SCN11A: variants seen among roughly 807,000 people sequenced by gnomAD.
SCN11A encodes the protein sodium channel protein type 11 subunit alpha.
A neutral mutation model predicts 162.2 loss-of-function variants in SCN11A; 122 were observed. That is an observed-to-expected ratio of 0.75 (90% CI 0.65 to 0.87). SCN11A has a LOEUF of 0.87. Ranked by LOEUF, SCN11A falls within the 40% of genes least tolerant of loss-of-function variation. The probability of loss-of-function intolerance (pLI) is 0.00; values close to 1 mark genes in which losing one functional copy is unlikely to be tolerated. For missense variants in SCN11A, 2,015 were observed against 2,181.6 expected (o/e 0.92, Z 1.52); for synonymous variants, 758 against 751.5 (o/e 1.01, Z -0.14).
At chr3:38,902,734 G>T (rs2065722718) in intron 16 of SCN11A, among the ~76,000 whole-genome samples, 1 of 152,012 alleles carries the variant, frequency 6.6e-6, no homozygotes, top group South Asian at 2.1e-4. Flanking sequence ...AGCCAGGATG[G>T]TCTTGATCTC....
At chr3:38,888,981 C>T (rs893961814) in intron 19 of SCN11A, among the ~76,000 whole-genome samples, 1 of 151,808 alleles carries the variant, frequency 6.6e-6, no homozygotes, top group Non-Finnish European at 1.5e-5. Flanking sequence ...ACCACTTATT[C>T]CCCAAAAACT....
chr3:38,951,466 T>A (rs1200945570), intron 4 of SCN11A, among the ~76,000 whole-genome samples: 1 of 152,160 alleles, frequency 6.6e-6, no homozygotes, highest in African/African-American at 2.4e-5. Flanking sequence ...GGCCGGAGCC[T>A]CCCCGACAAG....
intron 3 of SCN11A, among the ~76,000 whole-genome samples, chr3:38,958,745 GAAC>G (rs1453816249): frequency 6.6e-6 from 1 of 152,086 alleles, no homozygotes; most frequent in Non-Finnish European, 1.5e-5. Flanking sequence ...CCTATAACAA[GAAC>G]ATTTTCATAA....
In SCN11A at chr3:38,985,930, A is replaced by C. The variant is rs915518803; in HGVS notation, c.-279-25507T>G. 9.9e-5 allele frequency among the ~76,000 whole-genome samples: 15 copies of C among 150,906 alleles called. 5 individuals carry two copies. Among genetic ancestry groups the C allele is most frequent in the African/African-American group, 3.7e-4 (15 of 40,270 alleles). On this transcript the variant is annotated intron_variant, in intron 2 of 29. Transcript: ENST00000302328. ...GCTAGTTGGTCTTGGTTGGGACTAA[A>C]GGGTCTGCTTTGCAGGTGGCTCACT... is the stretch of plus-strand genomic sequence containing the variant.
At chr3:38,882,171 A>T (rs1214229671) in intron 22 of SCN11A, among the ~76,000 whole-genome samples, 1 of 152,206 alleles carries the variant, frequency 6.6e-6, no homozygotes, top group Non-Finnish European at 1.5e-5. Flanking sequence ...ACACTGTAGT[A>T]AGTAGACAAA....
At chr3:39,047,035 C>T in intron 1 of SCN11A, among the ~76,000 whole-genome samples, 1 of 109,800 alleles carries the variant, frequency 9.1e-6, no homozygotes, top group African/African-American at 3.8e-5. Context: ...ACCCCCCACC[C>T]CCACCCCCAT....
At chr3:38,907,361 C>T (rs74884713) in intron 14 of SCN11A, among the ~76,000 whole-genome samples, 7,431 of 24,840 alleles carry the variant, frequency 0.3, 801 homozygotes, top group African/African-American at 0.44. Context: ...TATATATACA[C>T]ACACACACAC....
At chr3:38,907,355 TATACACACACAC>T (rs1206969385) in intron 14 of SCN11A, among the ~76,000 whole-genome samples, 3 of 24,894 alleles carry the variant, frequency 1.2e-4, no homozygotes, top group African/African-American at 2.1e-4. Flanking sequence ...TATATCTATA[TATACACACACAC>T]ACACACACAC....
At chr3:38,918,065 C>A (rs1019304666) in intron 11 of SCN11A, among the ~76,000 whole-genome samples, 1 of 151,434 alleles carries the variant, frequency 6.6e-6, no homozygotes, top group Non-Finnish European at 1.5e-5. Flanking sequence ...GTTTTTTGGA[C>A]TTTTTATAGC....
intron 2 of SCN11A, among the ~76,000 whole-genome samples, chr3:38,982,748 G>A (rs529085558): frequency 1.4e-4 from 22 of 152,254 alleles, no homozygotes; most frequent in South Asian, 2.1e-4. Context: ...GATGGGGTGG[G>A]GGTCAGGAAA....
At chr3:39,001,772 C>A (rs775595513) in intron 2 of SCN11A, among the ~76,000 whole-genome samples, 10 of 152,150 alleles carry the variant, frequency 6.6e-5, no homozygotes, top group Middle Eastern at 3.2e-3. Flanking sequence ...CAGTGGCTCA[C>A]GCCTGTAATC....
chr3:38,948,843 A>G (rs2066557490), intron 5 of SCN11A, among the ~76,000 whole-genome samples: 1 of 152,224 alleles, frequency 6.6e-6, no homozygotes, highest in Admixed American at 6.5e-5. Context: ...GCATTGATGC[A>G]GAAGGAGACC....
intron 2 of SCN11A, among the ~76,000 whole-genome samples, chr3:39,016,637 CTT>C (rs1025795992): frequency 4.6e-5 from 7 of 152,120 alleles, no homozygotes; most frequent in African/African-American, 1.7e-4. Context: ...GAGTCTTACT[CTT>C]GTCGCCAGGC....
At chr3:39,035,807 T>C (rs910821323) in intron 1 of SCN11A, among the ~76,000 whole-genome samples, 1 of 152,000 alleles carries the variant, frequency 6.6e-6, no homozygotes, top group African/African-American at 2.4e-5. Context: ...GCCTGGCTAA[T>C]TTTTTGTATT....
chr3:38,847,161 CT>C lies in SCN11A; in HGVS notation c.4908del (p.Ala1637GlnfsTer32). 6.2e-7 allele frequency: 1 copy of C among 1,614,212 alleles called. No individual in the cohort carries two copies. The highest frequency in any genetic ancestry group is 8.5e-7 in the Non-Finnish European group (1 of 1,180,034). On this transcript the variant is annotated frameshift_variant, in exon 30 of 30. Coordinates refer to ENST00000302328, the MANE Select transcript of SCN11A (RefSeq NM_001349253.2). LOFTEE classifies it low-confidence loss of function (END_TRUNC). ...GCAGAATATTTGATAAATTGTGTTG[CT>C]TCTGGGTCAAACTTTTCCCACACTT... ...FYEVWEKFDPEATQFIKYSAL... is the reference protein window; with the variant it reads ...FYEVWEKFDPXATQFIKYSAL...
At chr3:39,044,477 C>CTACT (rs1462100957) in intron 1 of SCN11A, among the ~76,000 whole-genome samples, 4 of 152,116 alleles carry the variant, frequency 2.6e-5, no homozygotes, top group Non-Finnish European at 4.4e-5. Flanking sequence ...AGTATCTTTT[C>CTACT]TGACTACAAT....
chr3:39,032,698 A>G (rs1189540351), intron 1 of SCN11A, among the ~76,000 whole-genome samples, 195 bp from the exon 2 acceptor site: 1 of 152,228 alleles, frequency 6.6e-6, no homozygotes, highest in African/African-American at 2.4e-5. Flanking sequence ...CACTTTGCCA[A>G]TGTTTCCTGG....
chr3:39,006,844 G>C (rs1014202580), intron 2 of SCN11A, among the ~76,000 whole-genome samples: 2 of 151,912 alleles, frequency 1.3e-5, no homozygotes, highest in Non-Finnish European at 2.9e-5. Flanking sequence ...ACAAACAGGA[G>C]CATTCAGAGG....
At chr3:38,944,698 C>T (rs550908200) in intron 7 of SCN11A, among the ~76,000 whole-genome samples, 3 of 151,932 alleles carry the variant, frequency 2.0e-5, no homozygotes, top group Non-Finnish European at 4.4e-5. Context: ...CAGTGGCTCA[C>T]GCCTGTAATC....
Sources: allele counts gnomAD v4.1 joint callset (sites outside exome capture counted in the v4.1 genomes callset), GRCh38; gene constraint gnomAD v4.1.1; transcripts MANE v1.5; gene names NCBI Gene and HGNC (gene_info 2026-07-23, HGNC 2026-07-21).